The following CAMTA1 variants were observed in gnomAD, a reference collection of about 807,000 sequenced individuals.
The protein encoded by CAMTA1 is calmodulin-binding transcription activator 1.
Under a neutral mutation model 170.9 loss-of-function variants are expected in CAMTA1, and 27 were observed. That is an observed-to-expected ratio of 0.16 (90% CI 0.12 to 0.22). The LOEUF is 0.22. Among genes scored for constraint, CAMTA1 ranks in the 10% least tolerant of loss-of-function variants. The pLI, the probability that CAMTA1 is intolerant of heterozygous loss-of-function variation, is 1.00. For synonymous variants in CAMTA1, 833 were observed against 891.5 expected (o/e 0.93, Z 1.17); for missense variants, 1,619 against 2,217.2 (o/e 0.73, Z 5.42).
At chr1:7,306,940 A>G (rs1229309330) in intron 5 of CAMTA1, among the ~76,000 whole-genome samples, 2 of 152,006 alleles carry the variant, frequency 1.3e-5, no homozygotes, top group Non-Finnish European at 1.5e-5. Context: ...TAAGCAATCT[A>G]GAGATGATTT....
In CAMTA1 at chr1:7,010,449, C is replaced by A. The variant is rs1054986302; in HGVS notation, c.235-80855C>A. On this transcript the variant is annotated intron_variant, in intron 3 of 22. Transcript: ENST00000303635. The surrounding 1 kb of genome is among the most constrained non-coding windows in gnomAD (Gnocchi z 4.4). ...CCAGGTCATGTCAGTCCTGAGGATG[C>A]CAGGAGACGCTTTCTGAACACAGTC... 6.6e-6 allele frequency among the ~76,000 whole-genome samples: 1 copy of A among 152,208 alleles called. No homozygotes were observed. The highest frequency in any genetic ancestry group is 1.5e-5 in the Non-Finnish European group (1 of 68,036).
Position 7,394,337 on chromosome 1 carries a change from A to G in CAMTA1, c.439-73493A>G, listed in dbSNP as rs74728336. 4.6e-3 allele frequency among the ~76,000 whole-genome samples: 694 copies of G among 152,260 alleles called. 2 individuals carry two copies. The highest frequency in any genetic ancestry group is 6.7e-3 in the Non-Finnish European group (456 of 68,016). Reference sequence around the variant, plus strand: ...TGTATGAGATTCCCCCTTTCTCCACATTTATGCCAGCTTTTGTTATTTTTT... The same window carrying G: ...TGTATGAGATTCCCCCTTTCTCCACGTTTATGCCAGCTTTTGTTATTTTTT... On this transcript the variant is annotated intron_variant, in intron 5 of 22. Coordinates refer to ENST00000303635, the MANE Select transcript of CAMTA1 (RefSeq NM_015215.4).
At chr1:7,027,604 A>G (rs1466816722) in intron 3 of CAMTA1, among the ~76,000 whole-genome samples, 1 of 152,220 alleles carries the variant, frequency 6.6e-6, no homozygotes, top group African/African-American at 2.4e-5. Flanking sequence ...CCTAAAGGAC[A>G]TCTGAGTGAG....
At chr1:6,799,609 A>T (rs1643419142) in intron 1 of CAMTA1, among the ~76,000 whole-genome samples, 1 of 152,168 alleles carries the variant, frequency 6.6e-6, no homozygotes, top group Non-Finnish European at 1.5e-5. Flanking sequence ...GATAGTTGGT[A>T]GTCATTTTGA....
At chr1:7,082,962 T>G (rs1444491952) in intron 3 of CAMTA1, among the ~76,000 whole-genome samples, 1 of 152,210 alleles carries the variant, frequency 6.6e-6, no homozygotes, top group Non-Finnish European at 1.5e-5. Context: ...TGTCTTTGTA[T>G]TGTTAGGGCC....
At chr1:7,316,658 G>C (rs1013187959) in intron 5 of CAMTA1, among the ~76,000 whole-genome samples, 3 of 152,198 alleles carry the variant, frequency 2.0e-5, no homozygotes, top group African/African-American at 7.2e-5. Flanking sequence ...CTGCTAGACT[G>C]GGGGATGCAG....
intron 6 of CAMTA1, among the ~76,000 whole-genome samples, chr1:7,558,504 G>A (rs757831675): frequency 6.8e-6 from 1 of 147,986 alleles, no homozygotes; most frequent in Non-Finnish European, 1.5e-5. Context: ...CTTCTCCAGG[G>A]AAAAGTCTTA....
chr1:7,283,304 T>C (rs1473257754), intron 5 of CAMTA1, among the ~76,000 whole-genome samples: 1 of 152,186 alleles, frequency 6.6e-6, no homozygotes. Context: ...TGCTTTGTGA[T>C]CCCATCTTTG....
intron 6 of CAMTA1, among the ~76,000 whole-genome samples, chr1:7,611,995 C>T (rs1327265471): frequency 6.6e-6 from 1 of 152,234 alleles, no homozygotes; most frequent in Non-Finnish European, 1.5e-5. Context: ...GGGGCAGGAG[C>T]CTGGGCAAGT....
rs1302572506 is a variant in CAMTA1, at chr1:6,887,579, G to T, written c.234+62369G>T. The T allele has an allele frequency of 4.6e-6, 7 of 1,521,358 alleles. No individual in the cohort carries two copies. The highest frequency in any genetic ancestry group is 1.2e-5 in the South Asian group (1 of 82,294). The allele number at this position is 1,521,358 out of a possible 1,614,324, so 94.2% of individuals were successfully genotyped here. A position where few individuals can be genotyped will look rare whatever the true frequency, so the allele number is the denominator to read the frequency against. On this transcript the variant is annotated intron_variant, in intron 3 of 22. Transcript: ENST00000303635. This position sits in a 1 kb window ranked among gnomAD's most constrained non-coding sequence, Gnocchi z 4.1. Reference sequence around the variant, plus strand: ...TCCTCCTCTCTCTGCCTCTGGAAATGGGGCAAATTTTTCTTCAGTTAAAAA... The same window carrying T: ...TCCTCCTCTCTCTGCCTCTGGAAATTGGGCAAATTTTTCTTCAGTTAAAAA...
chr1:7,239,445 C>G (rs921004059), intron 4 of CAMTA1, among the ~76,000 whole-genome samples: 1 of 152,004 alleles, frequency 6.6e-6, no homozygotes, highest in African/African-American at 2.4e-5. Context: ...CTTTTTTTCT[C>G]TCTTACTTAC....
Position 7,512,759 on chromosome 1 carries a change from C to T in CAMTA1, c.510+44858C>T, listed in dbSNP as rs1045850382. Among the ~76,000 whole-genome samples the T allele has an allele frequency of 5.9e-5, 9 of 152,216 alleles. No homozygotes were observed. In the South Asian group the frequency reaches 8.3e-4, roughly 14 times the overall value. On this transcript the variant is annotated intron_variant, in intron 6 of 22. Transcript: ENST00000303635. ...TAGCTGCTGAACAGAAGTGCATCCT[C>T]CCAAAGCCAGCAGGACAAGCCCCTG...
intron 6 of CAMTA1, among the ~76,000 whole-genome samples, chr1:7,522,657 A>T (rs1320076600): frequency 1.3e-5 from 2 of 152,218 alleles, no homozygotes; most frequent in African/African-American, 4.8e-5. Context: ...TGTTTAAAGC[A>T]TAAGGTTTAG....
chr1:7,563,039 G>T (rs1350335016), intron 6 of CAMTA1, among the ~76,000 whole-genome samples: 2 of 152,194 alleles, frequency 1.3e-5, no homozygotes, highest in Non-Finnish European at 2.9e-5. Context: ...ACTCTCAACA[G>T]CCAGCCCCTG....
chr1:7,566,525 G>A (rs1027171166), intron 6 of CAMTA1, among the ~76,000 whole-genome samples: 5 of 152,190 alleles, frequency 3.3e-5, no homozygotes, highest in African/African-American at 1.2e-4. Context: ...TCCCTCCCGT[G>A]GTTGTTGATG....
intron 3 of CAMTA1, among the ~76,000 whole-genome samples, chr1:6,880,287 T>G (rs1671138374): frequency 6.6e-6 from 1 of 151,466 alleles, no homozygotes; most frequent in Non-Finnish European, 1.5e-5. Context: ...TGTGTCCAGG[T>G]TGGTCTCGAG....
At chr1:7,578,920 G>A (rs2095230180) in intron 6 of CAMTA1, among the ~76,000 whole-genome samples, 1 of 152,198 alleles carries the variant, frequency 6.6e-6, no homozygotes, top group Non-Finnish European at 1.5e-5. Context: ...GAGCTTTAGG[G>A]GACACATTCA....
intron 6 of CAMTA1, among the ~76,000 whole-genome samples, chr1:7,487,210 G>A (rs541824820): frequency 1.2e-4 from 19 of 152,164 alleles, no homozygotes; most frequent in Non-Finnish European, 2.2e-4. Context: ...CACGGTTATC[G>A]GCTACTCTTC....
chr1:6,868,200 G>T (rs1234653369), intron 3 of CAMTA1, among the ~76,000 whole-genome samples: 1 of 151,888 alleles, frequency 6.6e-6, no homozygotes, highest in Non-Finnish European at 1.5e-5. Context: ...CAGCGATCTT[G>T]TAAAGAGTTA....
Sources: gnomAD v4.1 joint callset for allele counts (sites outside exome capture counted in the v4.1 genomes callset) on GRCh38, gnomAD v4.1.1 for gene constraint, Gnocchi (gnomAD v3.1) non-coding constraint, MANE v1.5 for transcripts, NCBI Gene and HGNC (gene_info 2026-07-23, HGNC 2026-07-21) for gene names.